The following KCNQ1 variants were observed in gnomAD, a reference collection of about 807,000 sequenced individuals.
KCNQ1 encodes the protein potassium voltage-gated channel subfamily KQT member 1.
A neutral mutation model predicts 72.4 loss-of-function variants in KCNQ1; 49 were observed. The observed-to-expected ratio is 0.68, with a 90% confidence interval of 0.54 to 0.86. The LOEUF is 0.86. Among genes scored for constraint, KCNQ1 ranks in the 40% least tolerant of loss-of-function variants. KCNQ1 has a pLI of 0.00. For missense variants in KCNQ1, 790 were observed against 945.1 expected, an observed-to-expected ratio of 0.84 and a Z score of 2.15; for synonymous variants, 450 against 412.6, an observed-to-expected ratio of 1.09 and a Z score of -1.10.
At chr11:2,553,675 A>AT (rs1391474864) in intron 2 of KCNQ1, among the ~76,000 whole-genome samples, 5 of 151,304 alleles carry the variant, frequency 3.3e-5, no homozygotes, top group African/African-American at 9.7e-5. Flanking sequence ...ATTTTATTTT[A>AT]TTTATTTATT....
intron 15 of KCNQ1, among the ~76,000 whole-genome samples, chr11:2,793,790 G>C (rs1590091816): frequency 6.6e-6 from 1 of 152,370 alleles, no homozygotes; most frequent in East Asian, 1.9e-4. Context: ...TGCAGTGTGA[G>C]TAGGGTGGGC....
At chr11:2,836,743 C>T (rs1379742556) in intron 15 of KCNQ1, among the ~76,000 whole-genome samples, 1 of 152,250 alleles carries the variant, frequency 6.6e-6, no homozygotes, top group Non-Finnish European at 1.5e-5. Flanking sequence ...CCTCGCCTCA[C>T]TCGTGCTAAA....
intron 1 of KCNQ1, among the ~76,000 whole-genome samples, chr11:2,499,837 C>T (rs1029402214): frequency 6.6e-6 from 1 of 152,190 alleles, no homozygotes; most frequent in Non-Finnish European, 1.5e-5. Context: ...ATTTACAGGA[C>T]ATTTCATCCA....
rs927354443 is a variant in KCNQ1 at position 2,475,017 on chromosome 11, G to A, written c.386+29533G>A. 1.6e-4 allele frequency among the ~76,000 whole-genome samples: 24 copies of A among 152,202 alleles called. No individual in the cohort carries two copies. Among genetic ancestry groups the A allele is most frequent in the African/African-American group, 1.2e-4 (5 of 41,458 alleles). On this transcript the variant is annotated intron_variant, in intron 1 of 15. Transcript: ENST00000155840. This position sits in a 1 kb window ranked among gnomAD's most constrained non-coding sequence, Gnocchi z 5.8. ...TGTGTTGTGATAAAATACACGTAAC[G>A]TAAAATTGACCTTTTTAACCCATGT... is the stretch of plus-strand genomic sequence containing the variant.
chr11:2,660,238 A>G (rs1849927765), intron 10 of KCNQ1: 1 of 398,200 alleles, frequency 2.5e-6, no homozygotes, highest in East Asian at 3.6e-5. Context: ...TTCATTTTCT[A>G]ATTGTTGATC....
At position 2,559,698 on chromosome 11, in the gene KCNQ1, C is replaced by T. The variant is rs1848130839; in HGVS notation, c.478-10930C>T. ...TTCTGGAGGGAAAGCGGCCTCGTGC[C>T]TCCCAGAGTCACCCCGAAATCATTA... On this transcript the variant is annotated intron_variant, in intron 2 of 15. Transcript: ENST00000155840. The surrounding 1 kb of genome is among the most constrained non-coding windows in gnomAD (Gnocchi z 4.9). Among the ~76,000 whole-genome samples the T allele has an allele frequency of 6.6e-6, 1 of 152,206 alleles. No individual in the cohort carries two copies. Among genetic ancestry groups the T allele is most frequent in the Non-Finnish European group, 1.5e-5 (1 of 68,048 alleles).
chr11:2,584,799 G>C (rs1352953434), intron 7 of KCNQ1, among the ~76,000 whole-genome samples: 1 of 152,110 alleles, frequency 6.6e-6, no homozygotes, highest in East Asian at 1.9e-4. Context: ...TTCAGGGTGG[G>C]TCCTTTGCAT....
In KCNQ1 at chr11:2,463,706, G is replaced by A. The variant is rs1356445375; in HGVS notation, c.386+18222G>A. Among the ~76,000 whole-genome samples, 1 of 152,224 alleles carries A rather than the reference G, an allele frequency of 6.6e-6. No individual in the cohort carries two copies. The highest frequency in any genetic ancestry group is 1.5e-5 in the Non-Finnish European group (1 of 68,038). ...CTCGGGGAGGTCTGTGGGTGCCCAG[G>A]CCGAGATGTGAACCCTGAGTTTGTG... On this transcript the variant is annotated intron_variant, in intron 1 of 15. Transcript: ENST00000155840. This position sits in a 1 kb window ranked among gnomAD's most constrained non-coding sequence, Gnocchi z 7.0.
At chr11:2,763,978 T>C (rs1846453065) in intron 11 of KCNQ1, among the ~76,000 whole-genome samples, 1 of 152,252 alleles carries the variant, frequency 6.6e-6, no homozygotes, top group Non-Finnish European at 1.5e-5. Context: ...GTTATGTCAT[T>C]TGCAAATAAC....
rs953176139 is a variant in KCNQ1 at position 2,471,424 on chromosome 11, C to T, written c.386+25940C>T. Among the ~76,000 whole-genome samples, 7 of 152,344 alleles carry T rather than the reference C, an allele frequency of 4.6e-5. No homozygotes were observed. In the East Asian group the frequency reaches 9.7e-4, roughly 21 times the overall value. On this transcript the variant is annotated intron_variant, in intron 1 of 15. Coordinates refer to ENST00000155840, the MANE Select transcript of KCNQ1 (RefSeq NM_000218.3). The surrounding 1 kb of genome is among the most constrained non-coding windows in gnomAD (Gnocchi z 4.8). ...CGCCACAGCCTCTGACACTCCACGGCACTAAAGTGTCAAGAGACCCAGGGG... is the reference window on the plus strand; with the variant it reads ...CGCCACAGCCTCTGACACTCCACGGTACTAAAGTGTCAAGAGACCCAGGGG...
chr11:2,681,748 A>G, intron 11 of KCNQ1: 1 of 398,194 alleles, frequency 2.5e-6, no homozygotes, highest in Non-Finnish European at 4.4e-6. Context: ...ATCACACACC[A>G]GGGCACTGTG....
At chr11:2,575,219 C>T (rs553207910) in intron 6 of KCNQ1, among the ~76,000 whole-genome samples, 2 of 152,342 alleles carry the variant, frequency 1.3e-5, no homozygotes, top group East Asian at 1.9e-4. Context: ...TGCAAACATC[C>T]GCCCGCTGGC....
At chr11:2,798,897 C>T (rs2134021412) in intron 15 of KCNQ1, among the ~76,000 whole-genome samples, 1 of 152,102 alleles carries the variant, frequency 6.6e-6, no homozygotes, top group Non-Finnish European at 1.5e-5. Context: ...GGGGAAGGGG[C>T]TGGAGGAGCA....
At position 2,682,475 on chromosome 11, in the gene KCNQ1, C is replaced by CTGAGT. The variant is rs112547618; in HGVS notation, c.1514+20394_1514+20395insTGAGT. 7.6e-6 allele frequency: 3 copies of CTGAGT among 393,984 alleles called. No individual in the cohort carries two copies. The Admixed American group carries it at 1.3e-4, about 18-fold the overall frequency. The allele number at this position is 393,984 out of a possible 1,614,324, so 24.4% of individuals were successfully genotyped here. A position where few individuals can be genotyped will look rare whatever the true frequency, so the allele number is the denominator to read the frequency against. On this transcript the variant is annotated intron_variant, in intron 11 of 15. Coordinates refer to ENST00000155840, the MANE Select transcript of KCNQ1 (RefSeq NM_000218.3). This position sits in a 1 kb window ranked among gnomAD's most constrained non-coding sequence, Gnocchi z 5.8. ...TCACGGACCCTCAGTGAATGTTTGA[C>CTGAGT]GAGTGAGTGAGTGAGTGAGTGAGTG... is the stretch of plus-strand genomic sequence containing the variant.
intron 15 of KCNQ1, among the ~76,000 whole-genome samples, chr11:2,778,966 A>T (rs1346790460): frequency 6.6e-6 from 1 of 151,964 alleles, no homozygotes; most frequent in African/African-American, 2.4e-5. Context: ...CCCACCTGGC[A>T]CCATCTGCCC....
intron 2 of KCNQ1, among the ~76,000 whole-genome samples, chr11:2,568,491 C>A (rs1848278942): frequency 6.6e-6 from 1 of 152,130 alleles, no homozygotes. Flanking sequence ...GTTTCCGTGG[C>A]CTTTTTCACG....
At chr11:2,791,339 GGTGCGGAGCCTTGTCT>G (rs1309828369) in intron 15 of KCNQ1, among the ~76,000 whole-genome samples, 2 of 152,194 alleles carry the variant, frequency 1.3e-5, no homozygotes, top group African/African-American at 4.8e-5. Flanking sequence ...GCGTGAGGGC[GGTGCGGAGCCTTGTCT>G]GTGCGGCAAA....
rs548822617 is a variant in KCNQ1, at chr11:2,563,213, C to T, written c.478-7415C>T. On this transcript the variant is annotated intron_variant, in intron 2 of 15. Coordinates refer to ENST00000155840, the MANE Select transcript of KCNQ1 (RefSeq NM_000218.3). The surrounding 1 kb of genome is among the most constrained non-coding windows in gnomAD (Gnocchi z 7.4). ...GAAAATCTTCGCTATGTTGGAGATT[C>T]GCCGGCTGATAAAAGCAAAACAATA... is the stretch of plus-strand genomic sequence containing the variant. Among the ~76,000 whole-genome samples the T allele has an allele frequency of 3.2e-4, 48 of 152,250 alleles. No individual in the cohort carries two copies. Among genetic ancestry groups the T allele is most frequent in the South Asian group, 2.3e-3 (11 of 4,810 alleles).
In KCNQ1 at chr11:2,668,772, T is replaced by C. The variant is rs1178125230; in HGVS notation, c.1514+6691T>C. On this transcript the variant is annotated intron_variant, in intron 11 of 15. Transcript: ENST00000155840. This position sits in a 1 kb window ranked among gnomAD's most constrained non-coding sequence, Gnocchi z 4.3. ...GGCTGCCTTCTTCCTCTCTTGATGG[T>C]GTCTTTTGATGAACAGAAGGTCTTA... 1 of 398,502 alleles carries C rather than the reference T, an allele frequency of 2.5e-6. No individual in the cohort carries two copies. The highest frequency in any genetic ancestry group is 4.4e-6 in the Non-Finnish European group (1 of 226,062). 24.7% of individuals were successfully genotyped at this position (398,502 alleles called of 1,614,324 possible).
Sources: gnomAD v4.1 joint callset for allele counts (sites outside exome capture counted in the v4.1 genomes callset) on GRCh38, gnomAD v4.1.1 for gene constraint, Gnocchi (gnomAD v3.1) non-coding constraint, MANE v1.5 for transcripts, NCBI Gene and HGNC (gene_info 2026-07-23, HGNC 2026-07-21) for gene names.